The following INTS12 variants were observed in gnomAD, a reference collection of about 807,000 sequenced individuals.
The protein encoded by INTS12 is PHD finger protein 22.
INTS12 carries 13 observed loss-of-function variants against 41.6 expected under a neutral mutation model. That is an observed-to-expected ratio of 0.31 (90% CI 0.20 to 0.50). INTS12 has a LOEUF of 0.50. Among genes scored for constraint, INTS12 ranks in the 20% least tolerant of loss-of-function variants. The probability of loss-of-function intolerance (pLI) is 0.98; values close to 1 mark genes in which losing one functional copy is unlikely to be tolerated. For missense variants in INTS12, 432 were observed against 541.6 expected (o/e 0.80, Z 2.01); for synonymous variants, 199 against 191.4 (o/e 1.04, Z -0.33).
At chr4:105,708,277 T>C (rs1732373779) in intron 1 of INTS12, 13 of 985,394 alleles carry the variant, frequency 1.3e-5, no homozygotes, top group Non-Finnish European at 1.4e-5. Flanking sequence ...CACATCGAAG[T>C]CCTAGAATGG....
Position 105,682,665 on chromosome 4 carries a change from C to A in INTS12, c.*68G>T. 1 of 1,167,306 alleles carries A rather than the reference C, an allele frequency of 8.6e-7. No individual in the cohort carries two copies. The allele number at this position is 1,167,306 out of a possible 1,614,324, so 72.3% of individuals were successfully genotyped here. A position where few individuals can be genotyped will look rare whatever the true frequency, so the allele number is the denominator to read the frequency against. On this transcript the variant is annotated 3_prime_UTR_variant, in exon 8 of 8. Coordinates refer to ENST00000340139, the MANE Select transcript of INTS12 (RefSeq NM_020395.4). ...ACTTTTATTAAATTACAGTGTATTA[C>A]AGATTATATCATAATAATAAGCCTT...
chr4:105,708,130 T>C, intron 1 of INTS12: 1 of 985,468 alleles, frequency 1.0e-6, no homozygotes, highest in African/African-American at 1.7e-5. Flanking sequence ...ACTGAGTTCT[T>C]GGTTCTGGAT....
In INTS12 at chr4:105,688,531, T is replaced by C. The variant is rs988289779; in HGVS notation, c.658-1693A>G. Among the ~76,000 whole-genome samples the C allele has an allele frequency of 2.0e-5, 3 of 152,234 alleles. 1 individual carries two copies. The highest frequency in any genetic ancestry group is 1.3e-4 in the Admixed American group (2 of 15,282). On this transcript the variant is annotated intron_variant, in intron 6 of 7. Transcript: ENST00000340139. The stretch of plus-strand genomic sequence containing the variant: ...AATTAGATCAAGAATATTAAGAATG[T>C]TCGAAGTAATTCACTGTTGATTACT...
At chr4:105,693,793 G>T (rs1731769480) in intron 4 of INTS12, among the ~76,000 whole-genome samples, 1 of 152,150 alleles carries the variant, frequency 6.6e-6, no homozygotes, top group Non-Finnish European at 1.5e-5. Context: ...ACTTAGACTA[G>T]TATCTACCAT....
intron 3 of INTS12, among the ~76,000 whole-genome samples, chr4:105,697,679 C>G (rs868660324): frequency 6.6e-6 from 1 of 152,124 alleles, no homozygotes; most frequent in Non-Finnish European, 1.5e-5. Context: ...CTATTTGGCT[C>G]TTTATAAAGT....
chr4:105,682,943 T>C lies in INTS12; in HGVS notation c.1179A>G (p.Leu393=). The C allele has an allele frequency of 6.2e-7, 1 of 1,614,162 alleles. No homozygotes were observed. Among genetic ancestry groups the C allele is most frequent in the Non-Finnish European group, 8.5e-7 (1 of 1,179,988 alleles). ...TTAGTTGGCTGCTGCTTCCTGGAAC[T>C]AAACTACTTGGACTAGGAAGACCTA... ...SKVGLPSPSS[L]VPGSSSQLSG... The change falls in exon 8 of 8, where the codon TTA becomes TTG. Residue 393 remains leucine (L), a synonymous_variant. Transcript: ENST00000340139.
At chr4:105,700,569 T>C (rs1290800982) in intron 2 of INTS12, among the ~76,000 whole-genome samples, 1 of 151,428 alleles carries the variant, frequency 6.6e-6, no homozygotes, top group Admixed American at 6.6e-5. Flanking sequence ...ACCTCTTCAG[T>C]TCTCTGCCCC....
rs1731360284 is a variant in INTS12, at chr4:105,682,828, G to A, written c.1294C>T (p.Leu432Phe). The A allele has an allele frequency of 3.1e-6, 5 of 1,614,102 alleles. No homozygotes were observed. Among genetic ancestry groups the A allele is most frequent in the Non-Finnish European group, 4.2e-6 (5 of 1,179,964 alleles). ...SESSSSPSASLKGPTSQESQL... is the reference protein window; with the variant it reads ...SESSSSPSASFKGPTSQESQL... ...GATTCTTGTGAAGTTGGGCCTTTAA[G>A]GGATGCTGAGGGAGAGCTGCTGGAT... Residue 432 changes from leucine (L) to phenylalanine (F), a missense_variant, in exon 8 of 8, where the codon CTT becomes TTT. Leu to Phe is a conservative substitution (Grantham distance 22). This residue lies in a region of INTS12 where 258 missense variants were observed against 309.9 expected (regional missense o/e 0.83). Transcript: ENST00000340139.
At chr4:105,701,019 G>A (rs2149189891) in intron 2 of INTS12, among the ~76,000 whole-genome samples, 1 of 152,158 alleles carries the variant, frequency 6.6e-6, no homozygotes, top group East Asian at 1.9e-4. Flanking sequence ...TTGTATTAAT[G>A]CAGCACACTT....
intron 6 of INTS12, among the ~76,000 whole-genome samples, chr4:105,690,316 T>C (rs1731642750): frequency 1.3e-5 from 2 of 152,166 alleles, no homozygotes; most frequent in African/African-American, 4.8e-5. Context: ...TATAAGTAGG[T>C]AAATATTTTA....
chr4:105,701,511 A>C (rs891909461), intron 2 of INTS12, among the ~76,000 whole-genome samples: 9 of 152,120 alleles, frequency 5.9e-5, no homozygotes, highest in Admixed American at 4.6e-4. Flanking sequence ...ATTATTTTAA[A>C]ATTTACTCAT....
In INTS12 at chr4:105,695,180, C is replaced by T. The variant is rs559359016; in HGVS notation, c.309+336G>A. Among the ~76,000 whole-genome samples the T allele has an allele frequency of 8.9e-4, 136 of 152,082 alleles. 1 individual carries two copies. Among genetic ancestry groups the T allele is most frequent in the Admixed American group, 4.4e-3 (67 of 15,278 alleles). On this transcript the variant is annotated intron_variant, in intron 4 of 7. Transcript: ENST00000340139. ...CTGAGCTCAAGCAGTCTACCTGCCT[C>T]GGCCTCCCAAAGTGTATCTATCTTT... is the stretch of plus-strand genomic sequence containing the variant.
intron 2 of INTS12, among the ~76,000 whole-genome samples, chr4:105,702,130 C>CTTTTTTTTTTTT (rs950826694): frequency 6.4e-5 from 7 of 109,510 alleles, no homozygotes; most frequent in African/African-American, 1.5e-4. Flanking sequence ...ATTTCTATTT[C>CTTTTTTTTTTTT]TTTTTTTTTT....
intron 3 of INTS12, among the ~76,000 whole-genome samples, chr4:105,698,477 C>T (rs1358830565): frequency 1.3e-5 from 2 of 152,164 alleles, no homozygotes; most frequent in South Asian, 4.1e-4. Flanking sequence ...AACCTAAGGG[C>T]AGCGTGCTTT....
At position 105,691,992 on chromosome 4, in the gene INTS12, C is replaced by T; in HGVS notation, c.641G>A (p.Arg214Lys). The change falls in exon 6 of 8, where the codon AGA (arginine) becomes AAA (lysine). Residue 214 changes from arginine to lysine, a missense_variant. Physicochemically the swap from Arg to Lys is conservative, Grantham distance 26. This residue lies in a region of INTS12 where 258 missense variants were observed against 309.9 expected (regional missense o/e 0.83). Coordinates refer to ENST00000340139, the MANE Select transcript of INTS12 (RefSeq NM_020395.4). ...GATTCCTACCATTCTTTTCATTTGT[C>T]TGGTACATCGGGCACAATACCACAC... ...RLVWYCARCTRQMKRMAQKTQ... is the reference protein window; with the variant it reads ...RLVWYCARCTKQMKRMAQKTQ... 12 of 1,550,780 alleles carry T rather than the reference C, an allele frequency of 7.7e-6. No individual in the cohort carries two copies. The highest frequency in any genetic ancestry group is 9.6e-6 in the Non-Finnish European group (11 of 1,148,798).
rs182005409 is a variant in INTS12, at chr4:105,702,425, C to T, written c.-10+1223G>A. Among the ~76,000 whole-genome samples, 1,331 of 152,106 alleles carry T rather than the reference C, an allele frequency of 8.8e-3. 59 individuals carry two copies. The highest frequency in any genetic ancestry group is 0.067 in the Admixed American group (1,025 of 15,292). ...TGCTGGGATTACAGGCGTGAGCCACCGCGCCCAGCCAATTTATTTCTATTT... is the reference window on the plus strand; with the variant it reads ...TGCTGGGATTACAGGCGTGAGCCACTGCGCCCAGCCAATTTATTTCTATTT... On this transcript the variant is annotated intron_variant, in intron 2 of 7. Coordinates refer to ENST00000340139, the MANE Select transcript of INTS12 (RefSeq NM_020395.4).
rs1578376141 is a variant in INTS12, at chr4:105,682,681, A to C, written c.*52T>G. 9 of 1,308,264 alleles carry C rather than the reference A, an allele frequency of 6.9e-6. No homozygotes were observed. The highest frequency in any genetic ancestry group is 2.3e-5 in the East Asian group (1 of 43,282). The allele number at this position is 1,308,264 out of a possible 1,614,324, so 81.0% of individuals were successfully genotyped here. ...AGTGTATTACAGATTATATCATAAT[A>C]ATAAGCCTTTCATCTTTAGGCTAAT... On this transcript the variant is annotated 3_prime_UTR_variant, in exon 8 of 8. Transcript: ENST00000340139.
chr4:105,704,014 CTT>C (rs561167754), intron 1 of INTS12, among the ~76,000 whole-genome samples: 1 of 144,144 alleles, frequency 6.9e-6, no homozygotes. Flanking sequence ...CCCATATCTT[CTT>C]TTTTTTTTTT....
At chr4:105,701,353 T>C (rs184748566) in intron 2 of INTS12, among the ~76,000 whole-genome samples, 3 of 151,710 alleles carry the variant, frequency 2.0e-5, no homozygotes, top group African/African-American at 7.3e-5. Flanking sequence ...TGGAAAGGAA[T>C]CCAAAGGCCA....
Sources: allele counts gnomAD v4.1 joint callset (sites outside exome capture counted in the v4.1 genomes callset), GRCh38; gene constraint gnomAD v4.1.1; regional missense constraint gnomAD v4.1.1; transcripts MANE v1.5; gene names NCBI Gene and HGNC (gene_info 2026-07-23, HGNC 2026-07-21).